The following PCDH9 variants were observed in gnomAD, a reference collection of about 807,000 sequenced individuals.
The protein encoded by PCDH9 is protocadherin 9.
A neutral mutation model predicts 70.6 loss-of-function variants in PCDH9; 24 were observed. The ratio of observed to expected loss-of-function variants is 0.34; its 90% CI spans 0.25 to 0.48. The LOEUF is 0.48. Among genes scored for constraint, PCDH9 ranks in the 20% least tolerant of loss-of-function variants. The pLI, the probability that PCDH9 is intolerant of heterozygous loss-of-function variation, is 0.99. For synonymous variants in PCDH9, 562 were observed against 558.5 expected, an observed-to-expected ratio of 1.01 and a Z score of -0.09; for missense variants, 1,281 against 1,503.6, an observed-to-expected ratio of 0.85 and a Z score of 2.45.
intron 2 of PCDH9, among the ~76,000 whole-genome samples, chr13:67,189,074 A>C (rs2088838561): frequency 6.6e-6 from 1 of 151,996 alleles, no homozygotes; most frequent in Non-Finnish European, 1.5e-5. Context: ...CTTCACTTAG[A>C]ATAATAGTCT....
At chr13:66,473,092 T>C (rs1464300255) in intron 4 of PCDH9, among the ~76,000 whole-genome samples, 1 of 152,044 alleles carries the variant, frequency 6.6e-6, no homozygotes, top group Non-Finnish European at 1.5e-5. Flanking sequence ...GTTTCACATA[T>C]AATTTAAGAT....
At chr13:66,977,097 C>A (rs1236165907) in intron 2 of PCDH9, among the ~76,000 whole-genome samples, 1 of 152,098 alleles carries the variant, frequency 6.6e-6, no homozygotes, top group Non-Finnish European at 1.5e-5. Context: ...CATTTTATTT[C>A]TCATTCTGTT....
intron 2 of PCDH9, among the ~76,000 whole-genome samples, chr13:67,112,849 GC>G (rs1203355126): frequency 6.6e-6 from 1 of 152,058 alleles, no homozygotes; most frequent in African/African-American, 2.4e-5. Flanking sequence ...TTCCCGAGTA[GC>G]TGGGACTACA....
At chr13:66,429,055 A>G (rs1822685) in intron 4 of PCDH9, among the ~76,000 whole-genome samples, 61,399 of 148,896 alleles carry the variant, frequency 0.41, 12,986 homozygotes, top group South Asian at 0.54. Flanking sequence ...AATTAGTTCT[A>G]GCACATGCAG....
chr13:66,512,157 G>A (rs1027560169), intron 4 of PCDH9, among the ~76,000 whole-genome samples: 1 of 151,658 alleles, frequency 6.6e-6, no homozygotes, highest in Non-Finnish European at 1.5e-5. Context: ...CTTTCTTAAA[G>A]TCCTGCAAGA....
At chr13:67,120,198 A>ATAATAATAATAATAG (rs1566437422) in intron 2 of PCDH9, among the ~76,000 whole-genome samples, 5 of 148,642 alleles carry the variant, frequency 3.4e-5, no homozygotes, top group Admixed American at 2.0e-4. Context: ...AATAATAATA[A>ATAATAATAATAATAG]TAATAATAAT....
chr13:66,323,778 C>G (rs770501448), intron 4 of PCDH9, among the ~76,000 whole-genome samples: 3 of 151,458 alleles, frequency 2.0e-5, no homozygotes, highest in African/African-American at 7.3e-5. Context: ...CAAAGCTATC[C>G]TTGAAGCGCA....
chr13:66,342,915 G>A, intron 4 of PCDH9, among the ~76,000 whole-genome samples: 1 of 151,720 alleles, frequency 6.6e-6, no homozygotes, highest in East Asian at 1.9e-4. Context: ...CAAAGTTCTA[G>A]GATTACAGGC....
chr13:66,722,204 C>T (rs908694870), intron 3 of PCDH9, among the ~76,000 whole-genome samples: 40 of 152,114 alleles, frequency 2.6e-4, no homozygotes, highest in African/African-American at 8.5e-4. Flanking sequence ...TATTTGTTTT[C>T]TTAAAACTGA....
At chr13:66,435,419 T>C (rs1957850268) in intron 4 of PCDH9, among the ~76,000 whole-genome samples, 2 of 152,186 alleles carry the variant, frequency 1.3e-5, no homozygotes, top group Admixed American at 6.5e-5. Flanking sequence ...TCAAAGCTAG[T>C]AATTCAATAT....
chr13:66,321,941 T>G (rs1288609033), intron 4 of PCDH9, among the ~76,000 whole-genome samples: 1 of 151,946 alleles, frequency 6.6e-6, no homozygotes, highest in Non-Finnish European at 1.5e-5. Flanking sequence ...TAGAATATTC[T>G]AAGCCTGTGA....
intron 2 of PCDH9, among the ~76,000 whole-genome samples, chr13:67,119,004 G>T (rs780362563): frequency 4.6e-5 from 7 of 152,198 alleles, no homozygotes; most frequent in African/African-American, 1.7e-4. Context: ...TGCAGTAGCA[G>T]GTGGTTTATA....
intron 4 of PCDH9, among the ~76,000 whole-genome samples, chr13:66,566,659 T>C (rs1002307464): frequency 6.6e-6 from 1 of 152,186 alleles, no homozygotes; most frequent in Non-Finnish European, 1.5e-5. Flanking sequence ...AGGAATTTAA[T>C]AGTTGATATG....
chr13:66,550,711 C>T (rs9317595), intron 4 of PCDH9, among the ~76,000 whole-genome samples: 2 of 151,910 alleles, frequency 1.3e-5, no homozygotes, highest in African/African-American at 4.8e-5. Flanking sequence ...AAGCCACATG[C>T]CGTTCGGGTT....
At chr13:66,508,618 G>A (rs2138578294) in intron 4 of PCDH9, among the ~76,000 whole-genome samples, 1 of 152,236 alleles carries the variant, frequency 6.6e-6, no homozygotes, top group South Asian at 2.1e-4. Context: ...CACAAGCACT[G>A]TGGCCTTCAT....
At chr13:67,089,934 C>T (rs1439549993) in intron 2 of PCDH9, among the ~76,000 whole-genome samples, 1 of 151,894 alleles carries the variant, frequency 6.6e-6, no homozygotes, top group Non-Finnish European at 1.5e-5. Flanking sequence ...GCATTAATAG[C>T]ACCCCAAATG....
At chr13:66,877,791 T>C (rs1184832370) in intron 3 of PCDH9, among the ~76,000 whole-genome samples, 1 of 152,200 alleles carries the variant, frequency 6.6e-6, no homozygotes, top group African/African-American at 2.4e-5. Flanking sequence ...CATTTTTTCT[T>C]TTCTCTGGTG....
At chr13:67,152,241 C>A (rs1314678020) in intron 2 of PCDH9, among the ~76,000 whole-genome samples, 1 of 152,166 alleles carries the variant, frequency 6.6e-6, no homozygotes, top group Non-Finnish European at 1.5e-5. Context: ...AGGCAGTGAA[C>A]TAATGAATTA....
intron 4 of PCDH9, among the ~76,000 whole-genome samples, chr13:66,513,434 C>T (rs1817444064): frequency 1.3e-5 from 2 of 152,102 alleles, no homozygotes; most frequent in Admixed American, 6.6e-5. Context: ...AGAATTGCCA[C>T]GTTTTACATA....
Sources: gnomAD v4.1 joint callset for allele counts (sites outside exome capture counted in the v4.1 genomes callset) on GRCh38, gnomAD v4.1.1 for gene constraint, MANE v1.5 for transcripts, NCBI Gene and HGNC (gene_info 2026-07-23, HGNC 2026-07-21) for gene names.